The following ELAVL4 variants were observed in gnomAD, a reference collection of about 807,000 sequenced individuals.
ELAVL4 encodes ELAV like RNA binding protein 4.
Under a neutral mutation model 35.6 loss-of-function variants are expected in ELAVL4, and 1 was observed. The ratio of observed to expected loss-of-function variants is 0.03; its 90% CI spans 0.01 to 0.13. The LOEUF is 0.13. Among genes scored for constraint, ELAVL4 ranks in the 10% least tolerant of loss-of-function variants. ELAVL4 has a pLI of 1.00. For missense variants in ELAVL4, 267 were observed against 464.9 expected, an observed-to-expected ratio of 0.57 and a Z score of 3.91; for synonymous variants, 156 against 171.0, an observed-to-expected ratio of 0.91 and a Z score of 0.69.
chr1:50,143,112 T>A (rs1673099498), intron 1 of ELAVL4, among the ~76,000 whole-genome samples: 1 of 152,160 alleles, frequency 6.6e-6, no homozygotes, highest in Non-Finnish European at 1.5e-5. Context: ...ATGACAGGGA[T>A]GGAGAACCTG....
chr1:50,081,835 C>T (rs991333365), intron 1 of ELAVL4, among the ~76,000 whole-genome samples: 1 of 152,080 alleles, frequency 6.6e-6, no homozygotes, highest in African/African-American at 2.4e-5. Flanking sequence ...CCTAGTACCC[C>T]CACCCCCTGA....
intron 1 of ELAVL4, among the ~76,000 whole-genome samples, chr1:50,063,136 A>T (rs568365484): frequency 6.6e-6 from 1 of 152,156 alleles, no homozygotes; most frequent in Non-Finnish European, 1.5e-5. Flanking sequence ...ATAGTCTTCC[A>T]CCTACAAAAT....
At chr1:50,178,775 T>C (rs1432221132) in intron 3 of ELAVL4, among the ~76,000 whole-genome samples, 1 of 152,198 alleles carries the variant, frequency 6.6e-6, no homozygotes. Context: ...CACACTAGAC[T>C]GAGAGCTGTA....
At chr1:50,112,630 C>T (rs187476976) in intron 1 of ELAVL4, among the ~76,000 whole-genome samples, 23 of 152,180 alleles carry the variant, frequency 1.5e-4, no homozygotes, top group Admixed American at 7.2e-4. Context: ...GTAAAATTAA[C>T]ATAGATGAGG....
chr1:50,158,911 G>T (rs1333466127), intron 2 of ELAVL4, among the ~76,000 whole-genome samples: 1 of 151,876 alleles, frequency 6.6e-6, no homozygotes, highest in African/African-American at 2.4e-5. Context: ...GGTGGCAGGC[G>T]CCTGTAATCC....
At chr1:50,087,706 T>C (rs1467631765) in intron 1 of ELAVL4, among the ~76,000 whole-genome samples, 1 of 152,018 alleles carries the variant, frequency 6.6e-6, no homozygotes, top group Non-Finnish European at 1.5e-5. Context: ...AAGGGTAGGG[T>C]CCTAGTCTGA....
At chr1:50,180,271 T>G (rs1363688427) in intron 3 of ELAVL4, 1 of 152,140 alleles carries the variant, frequency 6.6e-6, no homozygotes, top group South Asian at 2.1e-4. Flanking sequence ...GCTCCAAAAT[T>G]TGAAACTTTT....
At chr1:50,093,626 C>T (rs1366415633) in intron 1 of ELAVL4, among the ~76,000 whole-genome samples, 2 of 152,058 alleles carry the variant, frequency 1.3e-5, no homozygotes, top group Non-Finnish European at 2.9e-5. Context: ...TGGGTTTGCC[C>T]GAGAGAAGCA....
intron 1 of ELAVL4, among the ~76,000 whole-genome samples, chr1:50,082,404 T>A (rs1665048088): frequency 6.6e-6 from 1 of 152,234 alleles, no homozygotes; most frequent in South Asian, 2.1e-4. Flanking sequence ...TCATTGTGGT[T>A]TTGATTTGTA....
intron 1 of ELAVL4, among the ~76,000 whole-genome samples, chr1:50,124,531 G>C (rs974776874): frequency 6.6e-6 from 1 of 152,046 alleles, no homozygotes; most frequent in African/African-American, 2.4e-5. Context: ...AACCTAGTTT[G>C]TTTCATTCCA....
At chr1:50,117,210 A>G (rs1469037420) in intron 1 of ELAVL4, among the ~76,000 whole-genome samples, 5 of 152,116 alleles carry the variant, frequency 3.3e-5, no homozygotes, top group Non-Finnish European at 5.9e-5. Context: ...TTAATCTTAA[A>G]AGCAACCTGC....
Position 50,055,361 on chromosome 1 carries a change from G to A in ELAVL4, c.18+7179G>A, listed in dbSNP as rs191853298. Among the ~76,000 whole-genome samples, 10 of 151,914 alleles carry A rather than the reference G, an allele frequency of 6.6e-5. No individual in the cohort carries two copies. In the East Asian group the frequency reaches 1.6e-3, roughly 24 times the overall value. ...TTCTCCCAGGCTGGAGTGCAGTGCC[G>A]CGATCTTGGCTCACTGCGAGCTCCG... is the stretch of plus-strand genomic sequence containing the variant. On this transcript the variant is annotated intron_variant, in intron 1 of 6. Transcript: ENST00000448907.
rs1666608777 is a variant in ELAVL4 at position 50,108,990 on chromosome 1, G to A, written c.-200G>A. 9 of 1,273,100 alleles carry A rather than the reference G, an allele frequency of 7.1e-6. No homozygotes were observed. The East Asian group carries it at 3.0e-4, about 43-fold the overall frequency. 78.9% of individuals were successfully genotyped at this position (1,273,100 alleles called of 1,614,324 possible). A position where few individuals can be genotyped will look rare whatever the true frequency, so the allele number is the denominator to read the frequency against. ...CTAGAATCGGGGGTTTCAGCTCACT[G>A]CTCCTTTTCTTTTTTTTCTTTCTCT... On this transcript the variant is annotated 5_prime_UTR_variant, in exon 1 of 7. Coordinates refer to ENST00000371824, the MANE Select transcript of ELAVL4 (RefSeq NM_001144774.3).
At position 50,200,948 on chromosome 1, in the gene ELAVL4, T is replaced by C; in HGVS notation, c.871T>C (p.Ser291Pro). ...GTGGTGCATCTTTGTCTACAACCTGTCCCCCGATTCCGATGAGAGTGTCCT... is the reference window on the plus strand; with the variant it reads ...GTGGTGCATCTTTGTCTACAACCTGCCCCCCGATTCCGATGAGAGTGTCCT... ...TGWCIFVYNL[S>P]PDSDESVLWQ... Residue 291 changes from serine to proline, a missense_variant, in exon 7 of 7, where the codon TCC (serine) becomes CCC (proline). This residue lies in a region of ELAVL4 where 216 missense variants were observed against 409.5 expected (regional missense o/e 0.53). Coordinates refer to ENST00000371824, the MANE Select transcript of ELAVL4 (RefSeq NM_001144774.3). The C allele has an allele frequency of 2.5e-6, 4 of 1,613,984 alleles. No individual in the cohort carries two copies. The highest frequency in any genetic ancestry group is 2.5e-6 in the Non-Finnish European group (3 of 1,179,978).
chr1:50,172,825 A>G (rs940350814), intron 2 of ELAVL4, among the ~76,000 whole-genome samples: 11 of 152,216 alleles, frequency 7.2e-5, no homozygotes, highest in Non-Finnish European at 2.9e-5. Context: ...GAAGGATGGG[A>G]AAGCATTTTG....
At chr1:50,092,447 C>T (rs1031683212) in intron 1 of ELAVL4, among the ~76,000 whole-genome samples, 2 of 152,164 alleles carry the variant, frequency 1.3e-5, no homozygotes, top group African/African-American at 4.8e-5. Context: ...ACGGGGGCAC[C>T]CTGGCAGCAT....
At chr1:50,195,526 T>C in intron 4 of ELAVL4, 35 bp from the exon 5 acceptor site, 2 of 1,609,078 alleles carry the variant, frequency 1.2e-6, no homozygotes, top group South Asian at 2.2e-5. Flanking sequence ...GTTTGGTGTG[T>C]TCACTCTTTA....
At chr1:50,100,907 A>T (rs1192768838), upstream of ELAVL4, among the ~76,000 whole-genome samples, 1 of 152,140 alleles carries the variant, frequency 6.6e-6, no homozygotes, top group Non-Finnish European at 1.5e-5. Context: ...ATTATCCTGA[A>T]ACTAATACAA....
intron 1 of ELAVL4, among the ~76,000 whole-genome samples, chr1:50,054,823 C>T (rs1663571272): frequency 6.6e-6 from 1 of 152,176 alleles, no homozygotes; most frequent in Admixed American, 6.5e-5. Flanking sequence ...TCAACAAGCT[C>T]CCTTGCACTC....
Sources: allele counts gnomAD v4.1 joint callset (sites outside exome capture counted in the v4.1 genomes callset), GRCh38; gene constraint gnomAD v4.1.1; regional missense constraint gnomAD v4.1.1; transcripts MANE v1.5; gene names NCBI Gene and HGNC (gene_info 2026-07-23, HGNC 2026-07-21).